Variants in DAGLA observed in about 807,000 individuals in gnomAD.
The protein encoded by DAGLA is diacylglycerol lipase alpha, also known as diacylglycerol lipase-alpha.
DAGLA carries 22 observed loss-of-function variants against 102.6 expected under a neutral mutation model. The observed-to-expected ratio is 0.21, with a 90% CI of 0.15 to 0.31. The LOEUF is 0.31. Ranked by LOEUF, DAGLA falls within the 10% of genes least tolerant of loss-of-function variation. The pLI is 1.00. For synonymous variants in DAGLA, 578 were observed against 628.9 expected (o/e 0.92, Z 1.21); for missense variants, 927 against 1,446.6 (o/e 0.64, Z 5.83).
Position 61,741,756 on chromosome 11 carries a change from C to T in DAGLA, c.2171+407C>T, listed in dbSNP as rs546567047. ...CCTCCCAAGTAGCTGGGATTACAGG[C>T]GCCTGCCACCGTGCCCAGCTAATTT... On this transcript the variant is annotated intron_variant, in intron 19 of 19. Coordinates refer to ENST00000257215, the MANE Select transcript of DAGLA (RefSeq NM_006133.3). 3.4e-4 allele frequency among the ~76,000 whole-genome samples: 51 copies of T among 152,108 alleles called. 1 individual carries two copies. The highest frequency in any genetic ancestry group is 2.9e-3 in the South Asian group (14 of 4,810).
intron 5 of DAGLA, among the ~76,000 whole-genome samples, chr11:61,724,532 C>T (rs1306212381): frequency 6.6e-6 from 1 of 152,206 alleles, no homozygotes; most frequent in African/African-American, 2.4e-5. Flanking sequence ...GCTCAAGCAC[C>T]TGGGGAGCAG....
intron 19 of DAGLA, among the ~76,000 whole-genome samples, chr11:61,742,951 C>T (rs2065493718): frequency 6.6e-6 from 1 of 152,140 alleles, no homozygotes; most frequent in Non-Finnish European, 1.5e-5. Context: ...AGAACCCCAG[C>T]AGCACTCCTG....
chr11:61,691,123 G>A (rs11827215), intron 1 of DAGLA, among the ~76,000 whole-genome samples: 20,736 of 152,078 alleles, frequency 0.14, 1,583 homozygotes, highest in East Asian at 0.27. Context: ...CCATTTCTTC[G>A]CCCCTTTAAT....
intron 3 of DAGLA, among the ~76,000 whole-genome samples, chr11:61,721,630 G>A (rs2065283757): frequency 6.6e-6 from 1 of 152,172 alleles, no homozygotes; most frequent in Non-Finnish European, 1.5e-5. Context: ...CAGGCCTTCT[G>A]CTTCCTGGGA....
intron 6 of DAGLA, among the ~76,000 whole-genome samples, chr11:61,727,530 G>A (rs2065338753): frequency 6.6e-6 from 1 of 152,224 alleles, no homozygotes; most frequent in Non-Finnish European, 1.5e-5. Context: ...AGCAGGGCTC[G>A]CCTCCTGCCC....
At chr11:61,739,724 A>G in intron 17 of DAGLA, 63 bp downstream of exon 17, 1 of 1,532,096 alleles carries the variant, frequency 6.5e-7, no homozygotes, top group Non-Finnish European at 8.8e-7. Flanking sequence ...AGTGGAGAGC[A>G]GGGCCGGCCT....
intron 19 of DAGLA, 106 bp downstream of exon 19, chr11:61,741,455 A>G: frequency 7.8e-7 from 1 of 1,278,764 alleles, no homozygotes; most frequent in South Asian, 1.5e-5. Flanking sequence ...AGCTCTGCAC[A>G]CGTGCACAGG....
intron 1 of DAGLA, among the ~76,000 whole-genome samples, chr11:61,718,750 G>T (rs1254552726): frequency 6.6e-6 from 1 of 152,156 alleles, no homozygotes; most frequent in East Asian, 1.9e-4. Flanking sequence ...CACGACCCCG[G>T]CAGGCTAGCC....
chr11:61,685,686 G>GGAGGGAGA (rs1463113513), intron 1 of DAGLA, among the ~76,000 whole-genome samples: 4 of 152,148 alleles, frequency 2.6e-5, no homozygotes, highest in African/African-American at 9.7e-5. Flanking sequence ...AGAGGTCAAA[G>GGAGGGAGA]GAGGGAGAGT....
intron 13 of DAGLA, 112 bp from the exon 14 acceptor site, chr11:61,737,070 A>G: frequency 6.8e-7 from 1 of 1,463,368 alleles, no homozygotes; most frequent in South Asian, 1.2e-5. Context: ...CAGCACAGAC[A>G]AGATCCCAGG....
At chr11:61,713,459 G>A (rs958487843) in intron 1 of DAGLA, among the ~76,000 whole-genome samples, 1 of 152,172 alleles carries the variant, frequency 6.6e-6, no homozygotes, top group Non-Finnish European at 1.5e-5. Context: ...TAAATGTTAG[G>A]AGAACCGAAG....
rs1347937201 is a variant in DAGLA at position 61,744,259 on chromosome 11, A to T, written c.2899A>T (p.Asn967Tyr). The T allele has an allele frequency of 6.2e-7, 1 of 1,613,020 alleles. No individual in the cohort carries two copies. The highest frequency in any genetic ancestry group is 1.7e-5 in the Admixed American group (1 of 60,022). The change falls in exon 20 of 20, where the codon AAC becomes TAC. Residue 967 changes from asparagine (N) to tyrosine (Y), a missense_variant. By Grantham distance (143) the Asn-to-Tyr change is moderately radical. Coordinates refer to ENST00000257215, the MANE Select transcript of DAGLA (RefSeq NM_006133.3). The part of the protein sequence containing the change: ...EILLRAQFEP[N>Y]LVPKPPRLFA... ...CCTGCTCCGTGCCCAGTTCGAGCCCAACCTGGTGCCCAAGCCCCCACGGCT... is the reference window on the plus strand; with the variant it reads ...CCTGCTCCGTGCCCAGTTCGAGCCCTACCTGGTGCCCAAGCCCCCACGGCT...
intron 3 of DAGLA, 86 bp downstream of exon 3, chr11:61,720,976 G>A (rs1007971379): frequency 1.5e-5 from 20 of 1,312,876 alleles, no homozygotes; most frequent in Non-Finnish European, 1.8e-5. Context: ...CACATGTTGC[G>A]AGCCAGGCCC....
chr11:61,741,672 C>T (rs542528285), intron 19 of DAGLA, among the ~76,000 whole-genome samples: 9 of 146,826 alleles, frequency 6.1e-5, no homozygotes, highest in South Asian at 2.1e-4. Context: ...AGTGCAATGG[C>T]GCGACCTTGG....
intron 1 of DAGLA, among the ~76,000 whole-genome samples, chr11:61,696,162 C>T (rs543845342): frequency 2.6e-5 from 4 of 152,304 alleles, no homozygotes; most frequent in Non-Finnish European, 4.4e-5. Context: ...CTGGGCACCC[C>T]GTTCCGTAGG....
At chr11:61,712,976 T>C (rs1349704748) in intron 1 of DAGLA, among the ~76,000 whole-genome samples, 1 of 152,194 alleles carries the variant, frequency 6.6e-6, no homozygotes, top group Non-Finnish European at 1.5e-5. Flanking sequence ...CTCTGAGCCT[T>C]GGTTTCTTCA....
intron 1 of DAGLA, among the ~76,000 whole-genome samples, chr11:61,702,190 C>T (rs940698504): frequency 1.3e-5 from 2 of 152,196 alleles, no homozygotes; most frequent in Non-Finnish European, 2.9e-5. Flanking sequence ...TGTGAGCCCC[C>T]ACAGCTAGCC....
chr11:61,695,209 G>A, intron 1 of DAGLA, among the ~76,000 whole-genome samples: 1 of 152,218 alleles, frequency 6.6e-6, no homozygotes, highest in Non-Finnish European at 1.5e-5. Flanking sequence ...AACCGGGTGG[G>A]AGGAGGGGCA....
chr11:61,732,667 A>T (rs1432120902), intron 9 of DAGLA, among the ~76,000 whole-genome samples: 1 of 152,038 alleles, frequency 6.6e-6, no homozygotes, highest in Non-Finnish European at 1.5e-5. Context: ...GAGAGAGCAG[A>T]GTCCCTAGAC....
Sources: gnomAD v4.1 joint callset for allele counts (sites outside exome capture counted in the v4.1 genomes callset) on GRCh38, gnomAD v4.1.1 for gene constraint, MANE v1.5 for transcripts, NCBI Gene and HGNC (gene_info 2026-07-23, HGNC 2026-07-21) for gene names.